The following ZNF521 variants were observed in gnomAD, a reference collection of about 807,000 sequenced individuals.
ZNF521 encodes LYST-interacting protein 3.
In ZNF521, 14 loss-of-function variants were observed where a neutral mutation model predicts 105.5. That is an observed-to-expected ratio of 0.13 (90% confidence interval 0.09 to 0.21). The LOEUF (loss-of-function observed/expected upper bound fraction) is 0.21, where lower values mean the gene tolerates loss of function less well. ZNF521 is among the 10% of genes least tolerant of loss of function. The pLI is 1.00. For missense variants in ZNF521, 1,233 were observed against 1,629.7 expected (o/e 0.76, Z 4.19); for synonymous variants, 635 against 606.0 (o/e 1.05, Z -0.70).
chr18:25,229,014 A>G (rs1037468050), intron 3 of ZNF521, among the ~76,000 whole-genome samples: 2 of 152,224 alleles, frequency 1.3e-5, no homozygotes, highest in Non-Finnish European at 2.9e-5. Flanking sequence ...TTAGAATAAG[A>G]GGCTCAGTTA....
At chr18:25,212,247 C>T (rs1157071183) in intron 4 of ZNF521, among the ~76,000 whole-genome samples, 2 of 151,650 alleles carry the variant, frequency 1.3e-5, no homozygotes, top group Non-Finnish European at 2.9e-5. Flanking sequence ...CATGGTGGCT[C>T]ACGCCTGTAA....
At chr18:25,205,995 T>C (rs531473703) in intron 4 of ZNF521, among the ~76,000 whole-genome samples, 12 of 152,166 alleles carry the variant, frequency 7.9e-5, no homozygotes, top group African/African-American at 2.9e-4. Flanking sequence ...TCATTTTTTT[T>C]TAATTTGTTT....
At chr18:25,123,541 A>T (rs1485377112) in intron 5 of ZNF521, among the ~76,000 whole-genome samples, 1 of 152,160 alleles carries the variant, frequency 6.6e-6, no homozygotes, top group East Asian at 1.9e-4. Flanking sequence ...TATTCACTGT[A>T]AAGGAAGAAA....
At chr18:25,099,345 T>TA (rs1366284387) in intron 5 of ZNF521, among the ~76,000 whole-genome samples, 1 of 152,160 alleles carries the variant, frequency 6.6e-6, no homozygotes, top group Non-Finnish European at 1.5e-5. Context: ...GCATATAACA[T>TA]AGCGGACTGG....
chr18:25,258,575 G>A (rs1300398772), intron 3 of ZNF521, among the ~76,000 whole-genome samples: 1 of 152,170 alleles, frequency 6.6e-6, no homozygotes, highest in Non-Finnish European at 1.5e-5. Flanking sequence ...CTGAGATGCT[G>A]GAGGGAATTT....
chr18:25,143,849 A>T (rs1275396164), intron 5 of ZNF521, among the ~76,000 whole-genome samples: 1 of 152,180 alleles, frequency 6.6e-6, no homozygotes, highest in Non-Finnish European at 1.5e-5. Context: ...ACTAAGTGAT[A>T]CAATCAGTTA....
chr18:25,111,483 G>A lies in ZNF521; in HGVS notation c.3659-19402C>T, dbSNP rs115644137. ...GGGAAAAATACATTTTAAAAATTCA[G>A]TATGAAATATCTGCGTTGGGTGTTT... On this transcript the variant is annotated intron_variant, in intron 5 of 7. Transcript: ENST00000361524. 3.8e-3 allele frequency among the ~76,000 whole-genome samples: 580 copies of A among 152,246 alleles called. 7 individuals are homozygous for A. The highest frequency in any genetic ancestry group is 0.013 in the African/African-American group (552 of 41,548).
At chr18:25,286,380 C>A (rs1002566575) in intron 3 of ZNF521, among the ~76,000 whole-genome samples, 4 of 152,164 alleles carry the variant, frequency 2.6e-5, no homozygotes, top group African/African-American at 9.7e-5. Flanking sequence ...ACATTCTCTG[C>A]AAAGAGCTGG....
chr18:25,085,950 C>G (rs1218777653), intron 7 of ZNF521, among the ~76,000 whole-genome samples: 1 of 151,954 alleles, frequency 6.6e-6, no homozygotes, highest in African/African-American at 2.4e-5. Context: ...ATTATTCTCA[C>G]CTTGATAGAA....
intron 3 of ZNF521, among the ~76,000 whole-genome samples, chr18:25,279,505 T>C (rs1197238700): frequency 3.3e-5 from 5 of 152,184 alleles, no homozygotes; most frequent in African/African-American, 4.8e-5. Flanking sequence ...AATTTCCTCT[T>C]TGATAACCAG....
intron 5 of ZNF521, among the ~76,000 whole-genome samples, chr18:25,148,909 T>C (rs537338949): frequency 2.0e-5 from 3 of 152,326 alleles, no homozygotes; most frequent in Non-Finnish European, 2.9e-5. Flanking sequence ...ACCAATCTAT[T>C]ATTTATACAA....
In ZNF521 at chr18:25,168,672, A is replaced by G. The variant is rs181024250; in HGVS notation, c.3658+26488T>C. Among the ~76,000 whole-genome samples, 261 of 152,280 alleles carry G rather than the reference A, an allele frequency of 1.7e-3. 1 individual carries two copies. Among genetic ancestry groups the G allele is most frequent in the African/African-American group, 6.1e-3 (252 of 41,504 alleles). ...CCAAAGTCACTAAACTGCGTGAGCT[A>G]CAAATACAGTAAGAACACATTCCTT... On this transcript the variant is annotated intron_variant, in intron 5 of 7. Transcript: ENST00000361524.
chr18:25,073,732 T>C (rs1322715512), intron 7 of ZNF521, among the ~76,000 whole-genome samples: 1 of 152,226 alleles, frequency 6.6e-6, no homozygotes, highest in Non-Finnish European at 1.5e-5. Context: ...AAATAGTTTA[T>C]TGAACTTGGG....
intron 2 of ZNF521, among the ~76,000 whole-genome samples, chr18:25,340,549 A>C (rs1165839509): frequency 6.6e-6 from 1 of 152,154 alleles, no homozygotes; most frequent in African/African-American, 2.4e-5. Flanking sequence ...AACTCAGTCA[A>C]GTTCACAATT....
chr18:25,267,802 G>A (rs952912377), intron 3 of ZNF521, among the ~76,000 whole-genome samples: 9 of 152,252 alleles, frequency 5.9e-5, no homozygotes, highest in Middle Eastern at 3.4e-3. Context: ...ACCAAAGGTA[G>A]ATAAATCCAT....
chr18:25,330,459 C>T (rs1268039952), intron 2 of ZNF521, among the ~76,000 whole-genome samples: 1 of 152,172 alleles, frequency 6.6e-6, no homozygotes, highest in African/African-American at 2.4e-5. Flanking sequence ...CCACCATGCC[C>T]AGCCACCAGC....
intron 3 of ZNF521, among the ~76,000 whole-genome samples, chr18:25,272,547 T>C (rs925685171): frequency 2.0e-5 from 3 of 151,908 alleles, no homozygotes; most frequent in South Asian, 2.1e-4. Context: ...ATGAAGAAAA[T>C]ATGGCATATA....
intron 3 of ZNF521, among the ~76,000 whole-genome samples, chr18:25,305,767 T>C (rs1308774296): frequency 6.6e-6 from 1 of 152,238 alleles, no homozygotes; most frequent in Non-Finnish European, 1.5e-5. Context: ...CTCAGGATTC[T>C]GGAAGATATT....
intron 3 of ZNF521, among the ~76,000 whole-genome samples, chr18:25,303,982 A>T (rs755174165): frequency 6.6e-6 from 1 of 152,224 alleles, no homozygotes; most frequent in African/African-American, 2.4e-5. Flanking sequence ...GCACCGACAG[A>T]GGATTAACTA....
Sources: allele counts gnomAD v4.1 joint callset (sites outside exome capture counted in the v4.1 genomes callset), GRCh38; gene constraint gnomAD v4.1.1; transcripts MANE v1.5; gene names NCBI Gene and HGNC (gene_info 2026-07-23, HGNC 2026-07-21).